GLYATL2: variants seen among roughly 807,000 people sequenced by gnomAD.
GLYATL2 encodes glycine-N-acyltransferase like 2, also known as glycine N-acyltransferase-like protein 2.
GLYATL2 carries 25 observed loss-of-function variants against 21.4 expected under a neutral mutation model. The observed-to-expected ratio is 1.17, with a 90% CI of 0.85 to 1.63. The LOEUF is 1.63. GLYATL2 is among the 40% of genes most tolerant of loss of function. The pLI is 0.00. For missense variants in GLYATL2, 361 were observed against 343.3 expected, an observed-to-expected ratio of 1.05 and a Z score of -0.41; for synonymous variants, 114 against 118.2, an observed-to-expected ratio of 0.96 and a Z score of 0.23.
chr11:58,883,071 A>T (rs1854369908), intron 1 of GLYATL2, among the ~76,000 whole-genome samples: 1 of 152,040 alleles, frequency 6.6e-6, no homozygotes, highest in African/African-American at 2.4e-5. Context: ...ACTTTAAAGT[A>T]TTTTTTTCCA....
At chr11:58,865,541 G>A (rs1854008686) in intron 1 of GLYATL2, among the ~76,000 whole-genome samples, 1 of 149,094 alleles carries the variant, frequency 6.7e-6, no homozygotes, top group South Asian at 2.1e-4. Flanking sequence ...CCAAAACAAA[G>A]AACAACGGCT....
At chr11:58,906,878 G>C (rs1281711849), upstream of GLYATL2, among the ~76,000 whole-genome samples, 2 of 152,286 alleles carry the variant, frequency 1.3e-5, no homozygotes, top group Non-Finnish European at 1.5e-5. Flanking sequence ...TGAGGCGGGG[G>C]TTGTGGGATG....
chr11:58,909,058 C>A (rs560484963), upstream of GLYATL2, among the ~76,000 whole-genome samples: 2 of 151,942 alleles, frequency 1.3e-5, no homozygotes, highest in African/African-American at 4.8e-5. Context: ...CTATTTTGTT[C>A]AAAATATGGA....
the GLYATL2 span, among the ~76,000 whole-genome samples, chr11:58,909,601 G>A: frequency 0.74 from 112,796 of 152,098 alleles, 44,217 homozygotes; most frequent in Non-Finnish European, 0.88. Context: ...CAAGGATGAA[G>A]GAATGGCCTG....
chr11:58,876,558 A>C (rs1475871722), intron 1 of GLYATL2, among the ~76,000 whole-genome samples: 1 of 152,240 alleles, frequency 6.6e-6, no homozygotes, highest in Non-Finnish European at 1.5e-5. Flanking sequence ...GGTCTACTCC[A>C]GACCCTGTTT....
chr11:58,848,913 C>T (rs1253094547), upstream of GLYATL2, among the ~76,000 whole-genome samples: 2 of 152,124 alleles, frequency 1.3e-5, no homozygotes, highest in African/African-American at 4.8e-5. Context: ...TAAAATCAAA[C>T]TCCCAAAGGT....
upstream of GLYATL2, among the ~76,000 whole-genome samples, chr11:58,849,082 T>C (rs963556257): frequency 2.6e-5 from 4 of 152,188 alleles, no homozygotes; most frequent in Admixed American, 2.6e-4. Flanking sequence ...CCCTAGAATA[T>C]TATCTCACAA....
chr11:58,837,002 G>A lies in GLYATL2; in HGVS notation c.476+13C>T, dbSNP rs1410130951. On this transcript the variant is annotated intron_variant, in intron 5 of 5. Coordinates refer to ENST00000287275, the MANE Select transcript of GLYATL2 (RefSeq NM_145016.4). ...CTATCAAGGAATTTGGGAAGCAAAA[G>A]GTAAAATCTCACTTGTTATCATCAT... 2 of 1,608,152 alleles carry A rather than the reference G, an allele frequency of 1.2e-6. No individual in the cohort carries two copies. Among genetic ancestry groups the A allele is most frequent in the Non-Finnish European group, 1.7e-6 (2 of 1,177,424 alleles).
At chr11:58,876,617 C>A (rs1294926157) in intron 1 of GLYATL2, among the ~76,000 whole-genome samples, 1 of 152,134 alleles carries the variant, frequency 6.6e-6, no homozygotes, top group South Asian at 2.1e-4. Context: ...ATTAGTGAAC[C>A]ACAAATGCTG....
intron 1 of GLYATL2, among the ~76,000 whole-genome samples, chr11:58,853,599 T>G (rs1244876910): frequency 6.6e-6 from 1 of 152,184 alleles, no homozygotes; most frequent in African/African-American, 2.4e-5. Context: ...AAATGAATAT[T>G]TAATTTTTGG....
chr11:58,885,749 G>A (rs1432276605), intron 1 of GLYATL2, among the ~76,000 whole-genome samples: 4 of 152,204 alleles, frequency 2.6e-5, no homozygotes, highest in African/African-American at 9.6e-5. Context: ...AGGGGTGGAG[G>A]GGGAAGGGGA....
chr11:58,888,085 ATAT>A (rs1854474656), intron 1 of GLYATL2, among the ~76,000 whole-genome samples: 1 of 152,096 alleles, frequency 6.6e-6, no homozygotes, highest in South Asian at 2.1e-4. Context: ...AATATTCAAC[ATAT>A]TATATTTTCA....
At chr11:58,879,828 C>G (rs1364485181) in intron 1 of GLYATL2, among the ~76,000 whole-genome samples, 1 of 149,620 alleles carries the variant, frequency 6.7e-6, no homozygotes, top group Admixed American at 6.7e-5. Flanking sequence ...GTTATGTGTA[C>G]TTTACAACAA....
At chr11:58,897,147 A>G (rs893310797) in intron 1 of GLYATL2, among the ~76,000 whole-genome samples, 1 of 152,222 alleles carries the variant, frequency 6.6e-6, no homozygotes, top group Non-Finnish European at 1.5e-5. Context: ...GGACAGCACT[A>G]AAATTCCACA....
At chr11:58,873,107 A>G (rs927868376) in intron 1 of GLYATL2, among the ~76,000 whole-genome samples, 1 of 150,964 alleles carries the variant, frequency 6.6e-6, no homozygotes, top group African/African-American at 2.4e-5. Context: ...GGTGCATAAG[A>G]ATGCTTGTGA....
chr11:58,866,127 G>C (rs917661558), intron 1 of GLYATL2, among the ~76,000 whole-genome samples: 17 of 148,790 alleles, frequency 1.1e-4, no homozygotes, highest in African/African-American at 4.1e-4. Context: ...GAACAGTTTG[G>C]CATTACTTGT....
At chr11:58,840,791 A>G (rs1367106405) in intron 1 of GLYATL2, 1 of 151,628 alleles carries the variant, frequency 6.6e-6, no homozygotes, top group Non-Finnish European at 1.5e-5. Flanking sequence ...GTGATCTGAT[A>G]TCGCACCACT....
upstream of GLYATL2, chr11:58,905,739 A>AGGGGG: frequency 4.2e-4 from 1 of 2,384 alleles, no homozygotes. Flanking sequence ...CTGGACAAAT[A>AGGGGG]GGGAGGGTGG....
intron 1 of GLYATL2, among the ~76,000 whole-genome samples, chr11:58,857,316 T>C (rs1853845970): frequency 6.6e-6 from 1 of 152,230 alleles, no homozygotes; most frequent in Admixed American, 6.5e-5. Flanking sequence ...ATGTCTTCTT[T>C]TGAGAAATGT....
Sources: gnomAD v4.1 joint callset for allele counts (sites outside exome capture counted in the v4.1 genomes callset) on GRCh38, gnomAD v4.1.1 for gene constraint, MANE v1.5 for transcripts, NCBI Gene and HGNC (gene_info 2026-07-23, HGNC 2026-07-21) for gene names.